NBEA: variants seen among roughly 807,000 people sequenced by gnomAD.
The protein encoded by NBEA is lysosomal-trafficking regulator 2.
NBEA carries 44 observed loss-of-function variants against 343.4 expected under a neutral mutation model. That is an observed-to-expected ratio of 0.13 (90% CI 0.10 to 0.16). The LOEUF (loss-of-function observed/expected upper bound fraction) is 0.16. Among genes scored for constraint, NBEA ranks in the 10% least tolerant of loss-of-function variants. The pLI is 1.00. For missense variants in NBEA, 2,555 were observed against 3,631.3 expected (o/e 0.70, Z 7.62); for synonymous variants, 1,175 against 1,238.7 (o/e 0.95, Z 1.08).
At chr13:35,085,434 C>T (rs1042586899) in intron 10 of NBEA, among the ~76,000 whole-genome samples, 13 of 152,102 alleles carry the variant, frequency 8.5e-5, no homozygotes, top group Admixed American at 3.3e-4. Context: ...TCAACATATG[C>T]AAATCAATAA....
intron 39 of NBEA, among the ~76,000 whole-genome samples, chr13:35,447,449 T>G (rs1353493870): frequency 6.6e-6 from 1 of 151,970 alleles, no homozygotes; most frequent in Non-Finnish European, 1.5e-5. Context: ...ATTTCTGCAA[T>G]GCAATATTCT....
At chr13:35,269,146 A>G (rs1026511493) in intron 34 of NBEA, among the ~76,000 whole-genome samples, 1 of 152,188 alleles carries the variant, frequency 6.6e-6, no homozygotes, top group Non-Finnish European at 1.5e-5. Context: ...ATGGGGTTAC[A>G]TACCCATAAA....
At chr13:35,564,600 C>T (rs968862271) in intron 44 of NBEA, among the ~76,000 whole-genome samples, 2 of 152,254 alleles carry the variant, frequency 1.3e-5, no homozygotes, top group Non-Finnish European at 2.9e-5. Flanking sequence ...AATATTGGTA[C>T]TGTTTTAGCA....
chr13:35,202,368 A>G (rs1040261116), intron 31 of NBEA, among the ~76,000 whole-genome samples: 3 of 152,184 alleles, frequency 2.0e-5, no homozygotes, highest in Admixed American at 6.5e-5. Flanking sequence ...TGTCTCCCAA[A>G]CTTAGTGTAA....
chr13:35,083,528 G>C (rs1454796770), intron 10 of NBEA, among the ~76,000 whole-genome samples: 5 of 152,042 alleles, frequency 3.3e-5, no homozygotes, highest in Non-Finnish European at 5.9e-5. Flanking sequence ...AATTGAAGGA[G>C]TAATAAAATC....
At chr13:34,963,758 G>T (rs762688351) in intron 1 of NBEA, among the ~76,000 whole-genome samples, 26 of 151,276 alleles carry the variant, frequency 1.7e-4, no homozygotes, top group Non-Finnish European at 2.8e-4. Context: ...GCATCCAAAG[G>T]CACTGTTGAT....
At chr13:35,538,833 A>G (rs1248350598) in intron 41 of NBEA, among the ~76,000 whole-genome samples, 1 of 152,250 alleles carries the variant, frequency 6.6e-6, no homozygotes, top group Non-Finnish European at 1.5e-5. Context: ...AGAGATGCTC[A>G]AGGTGTACTT....
chr13:35,497,712 A>T (rs572113807), intron 41 of NBEA, among the ~76,000 whole-genome samples: 2 of 152,038 alleles, frequency 1.3e-5, no homozygotes, highest in South Asian at 4.1e-4. Context: ...TCTTTTAATG[A>T]TAGGCAAATG....
chr13:35,583,036 T>G (rs562833513), intron 45 of NBEA, among the ~76,000 whole-genome samples: 1 of 152,326 alleles, frequency 6.6e-6, no homozygotes, highest in African/African-American at 2.4e-5. Context: ...GTATGCAACT[T>G]AAATCAAAAT....
intron 1 of NBEA, among the ~76,000 whole-genome samples, chr13:34,982,966 A>C (rs2060408858): frequency 6.6e-6 from 1 of 152,148 alleles, no homozygotes; most frequent in South Asian, 2.1e-4. Flanking sequence ...ATTCTTAGCA[A>C]TTGTGTGCAC....
At chr13:35,632,698 A>G (rs752641983) in intron 49 of NBEA, among the ~76,000 whole-genome samples, 20 of 151,988 alleles carry the variant, frequency 1.3e-4, no homozygotes, top group Non-Finnish European at 1.9e-4. Context: ...GGTTCAAGCA[A>G]TTCTCCCACC....
At chr13:35,299,304 G>T (rs968540122) in intron 35 of NBEA, among the ~76,000 whole-genome samples, 7 of 151,998 alleles carry the variant, frequency 4.6e-5, no homozygotes, top group Non-Finnish European at 8.8e-5. Flanking sequence ...TCTAAGGACG[G>T]TTTATTTAAT....
intron 38 of NBEA, among the ~76,000 whole-genome samples, chr13:35,393,165 A>G (rs1434357893): frequency 1.3e-5 from 2 of 152,144 alleles, no homozygotes; most frequent in Non-Finnish European, 2.9e-5. Context: ...AGCAATTGTA[A>G]TAGATTATTT....
intron 41 of NBEA, among the ~76,000 whole-genome samples, chr13:35,518,927 A>G (rs935857070): frequency 4.6e-5 from 7 of 152,178 alleles, no homozygotes; most frequent in African/African-American, 1.2e-4. Context: ...TTCATTCACC[A>G]TAAGTCCAAA....
intron 32 of NBEA, among the ~76,000 whole-genome samples, chr13:35,209,926 A>G (rs1403899688): frequency 6.6e-6 from 1 of 152,140 alleles, no homozygotes; most frequent in Non-Finnish European, 1.5e-5. Flanking sequence ...AGATATTTCT[A>G]TCTGGCTTGT....
intron 40 of NBEA, among the ~76,000 whole-genome samples, chr13:35,455,409 A>AAG (rs1566158324): frequency 6.0e-5 from 9 of 150,410 alleles, no homozygotes; most frequent in Non-Finnish European, 4.4e-5. Context: ...AAAAAAAAAA[A>AAG]AAGAAGAAGA....
At chr13:35,138,620 C>T (rs781461363) in intron 17 of NBEA, among the ~76,000 whole-genome samples, 22 of 151,932 alleles carry the variant, frequency 1.4e-4, no homozygotes, top group African/African-American at 4.1e-4. Flanking sequence ...TCACCATGCC[C>T]GGCTAATTTT....
chr13:35,304,328 T>G (rs560982950), intron 35 of NBEA, among the ~76,000 whole-genome samples: 1 of 80,340 alleles, frequency 1.2e-5, no homozygotes, highest in African/African-American at 4.5e-5. Context: ...CAAAAGCAAT[T>G]CTCTGTGTGT....
At chr13:35,143,099 A>C (rs2068185061) in intron 18 of NBEA, among the ~76,000 whole-genome samples, 1 of 152,224 alleles carries the variant, frequency 6.6e-6, no homozygotes, top group South Asian at 2.1e-4. Flanking sequence ...CTCTAAGTTA[A>C]GGAAGCTTTT....
Sources: gnomAD v4.1 joint callset for allele counts (sites outside exome capture counted in the v4.1 genomes callset) on GRCh38, gnomAD v4.1.1 for gene constraint, MANE v1.5 for transcripts, NCBI Gene and HGNC (gene_info 2026-07-23, HGNC 2026-07-21) for gene names.